MON2: variants seen among roughly 807,000 people sequenced by gnomAD.
MON2 encodes the protein protein MON2 homolog.
In MON2, 84 loss-of-function variants were observed where a neutral mutation model predicts 208.6. The ratio of observed to expected loss-of-function variants is 0.40; its 90% CI spans 0.34 to 0.48. The LOEUF is 0.48. Among genes scored for constraint, MON2 ranks in the 20% least tolerant of loss-of-function variants. The probability of loss-of-function intolerance (pLI) is 0.59; values close to 1 mark genes in which losing one functional copy is unlikely to be tolerated. For missense variants in MON2, 1,611 were observed against 2,015.4 expected (o/e 0.80, Z 3.84); for synonymous variants, 660 against 694.0 (o/e 0.95, Z 0.77).
chr12:62,511,949 T>C (rs1012061571), intron 8 of MON2, among the ~76,000 whole-genome samples: 14 of 152,036 alleles, frequency 9.2e-5, no homozygotes, highest in African/African-American at 3.1e-4. Flanking sequence ...GAAAGGCACA[T>C]CTCACATGGC....
chr12:62,589,058 T>C (rs1399481318), intron 34 of MON2: 4 of 505,088 alleles, frequency 7.9e-6, no homozygotes, highest in Non-Finnish European at 1.3e-5. Flanking sequence ...TTTCAGACCA[T>C]GTTTTGTTCT....
At chr12:62,499,186 A>T in intron 5 of MON2, 138 bp downstream of exon 5, 2 of 861,552 alleles carry the variant, frequency 2.3e-6, no homozygotes, top group Non-Finnish European at 3.3e-6. Context: ...TCACAATTTG[A>T]TCCCCTGAGG....
chr12:62,485,679 G>T (rs2069730595), intron 2 of MON2, among the ~76,000 whole-genome samples: 1 of 152,084 alleles, frequency 6.6e-6, no homozygotes, highest in South Asian at 2.1e-4. Context: ...GGTTAGGAAG[G>T]CTGGCAAGTG....
At position 62,538,492 on chromosome 12, in the gene MON2, A is replaced by G; in HGVS notation, c.2351A>G (p.Tyr784Cys). 2 of 1,597,684 alleles carry G rather than the reference A, an allele frequency of 1.3e-6. No individual in the cohort carries two copies. Among genetic ancestry groups the G allele is most frequent in the Admixed American group, 1.7e-5 (1 of 59,904 alleles). ...SLSLEAMDMA[Y>C]GNNKEPSLFA... ...TCTCTAGAAGCAATGGATATGGCCT[A>G]TGGAAATAATAAGGTGTGATATTCT... The change falls in exon 19 of 35, where the codon TAT (tyrosine) becomes TGT (cysteine). Residue 784 changes from tyrosine (Y) to cysteine (C), a missense_variant. Transcript: ENST00000393630.
At chr12:62,557,370 A>G (rs1267876516) in intron 25 of MON2, among the ~76,000 whole-genome samples, 1 of 152,178 alleles carries the variant, frequency 6.6e-6, no homozygotes, top group Non-Finnish European at 1.5e-5. Flanking sequence ...TAACTGGGGA[A>G]GGTTGAGCAT....
At position 62,566,011 on chromosome 12, in the gene MON2, T is replaced by G; in HGVS notation, c.4177-3T>G. The stretch of plus-strand genomic sequence containing the variant: ...GTCTTGCAACACAATGGAATCACAA[T>G]AGATCCAACTATTTGCACCGGTGAG... On this transcript the variant is annotated splice_region_variant and splice_polypyrimidine_tract_variant and intron_variant, in intron 27 of 34. Coordinates refer to ENST00000393630, the MANE Select transcript of MON2 (RefSeq NM_015026.3). 1 of 1,610,484 alleles carries G rather than the reference T, an allele frequency of 6.2e-7. No individual in the cohort carries two copies. The highest frequency in any genetic ancestry group is 8.5e-7 in the Non-Finnish European group (1 of 1,178,142).
At chr12:62,571,044 C>T (rs2074580026) in intron 29 of MON2, among the ~76,000 whole-genome samples, 1 of 152,066 alleles carries the variant, frequency 6.6e-6, no homozygotes, top group Non-Finnish European at 1.5e-5. Flanking sequence ...TTTTCTAATC[C>T]ATAACATCGG....
chr12:62,585,752 AC>A (rs2075202937), intron 33 of MON2: 1 of 281,752 alleles, frequency 3.5e-6, no homozygotes, highest in South Asian at 1.4e-4. Context: ...GTACCAAATT[AC>A]CTTTTTGAAT....
chr12:62,557,943 TATATATATATATATA>T (rs1225117882), intron 25 of MON2, among the ~76,000 whole-genome samples: 998 of 37,736 alleles, frequency 0.026, 30 homozygotes, highest in East Asian at 0.03. Flanking sequence ...TATATATATA[TATATATATATATATA>T]TATATTTTTT....
At chr12:62,566,922 A>G (rs998330625) in intron 29 of MON2, among the ~76,000 whole-genome samples, 4 of 152,206 alleles carry the variant, frequency 2.6e-5, no homozygotes, top group Non-Finnish European at 4.4e-5. Flanking sequence ...ATTTTCCCAC[A>G]TAACCCAGTG....
At chr12:62,526,615 G>A (rs1318563751) in intron 11 of MON2, among the ~76,000 whole-genome samples, 2 of 152,026 alleles carry the variant, frequency 1.3e-5, no homozygotes, top group South Asian at 2.1e-4. Context: ...ATTAAAAAGT[G>A]TTTAATGGAT....
At chr12:62,475,489 T>A (rs1270942525) in intron 1 of MON2, among the ~76,000 whole-genome samples, 1 of 151,868 alleles carries the variant, frequency 6.6e-6, no homozygotes, top group African/African-American at 2.4e-5. Flanking sequence ...AAAAAAAAAA[T>A]TAATCTTCAA....
At chr12:62,471,606 T>A (rs986204978) in intron 1 of MON2, among the ~76,000 whole-genome samples, 11 of 152,226 alleles carry the variant, frequency 7.2e-5, no homozygotes, top group African/African-American at 2.7e-4. Flanking sequence ...AGTATCAGTT[T>A]ATAAATAATA....
chr12:62,563,309 C>T (rs2074264020), intron 26 of MON2, among the ~76,000 whole-genome samples: 1 of 152,232 alleles, frequency 6.6e-6, no homozygotes, highest in Non-Finnish European at 1.5e-5. Context: ...ATGAGTTAAA[C>T]ATCCAGTAAA....
chr12:62,534,780 A>C (rs1032193801), intron 12 of MON2, 65 bp from the exon 13 acceptor site: 35 of 1,166,476 alleles, frequency 3.0e-5, no homozygotes, highest in Non-Finnish European at 4.0e-5. Flanking sequence ...TTAGAATTTC[A>C]CATATTAATA....
chr12:62,525,460 A>C (rs1375371619), intron 10 of MON2, among the ~76,000 whole-genome samples: 3 of 152,208 alleles, frequency 2.0e-5, no homozygotes, highest in Non-Finnish European at 4.4e-5. Flanking sequence ...TAAGAACAAA[A>C]GTTTAGATGC....
intron 27 of MON2, among the ~76,000 whole-genome samples, chr12:62,565,718 C>T (rs1186262681): frequency 6.6e-6 from 1 of 152,124 alleles, no homozygotes; most frequent in Non-Finnish European, 1.5e-5. Flanking sequence ...GCTTCTAAAT[C>T]CCTAAGTCTA....
intron 8 of MON2, among the ~76,000 whole-genome samples, chr12:62,523,211 A>G (rs2072153194): frequency 6.6e-6 from 1 of 152,170 alleles, no homozygotes; most frequent in Non-Finnish European, 1.5e-5. Flanking sequence ...CTTCCTCTAA[A>G]GAGGTGTCAT....
At chr12:62,522,854 T>C (rs531488615) in intron 8 of MON2, among the ~76,000 whole-genome samples, 2 of 152,330 alleles carry the variant, frequency 1.3e-5, no homozygotes, top group Admixed American at 6.5e-5. Context: ...AGAGAGCCTC[T>C]CTTTTTTACC....
Sources: allele counts gnomAD v4.1 joint callset (sites outside exome capture counted in the v4.1 genomes callset), GRCh38; gene constraint gnomAD v4.1.1; transcripts MANE v1.5; gene names NCBI Gene and HGNC (gene_info 2026-07-23, HGNC 2026-07-21).